Variants in PROC observed in about 807,000 individuals in gnomAD.
PROC encodes the protein vitamin K-dependent protein C.
A neutral mutation model predicts 36.3 loss-of-function variants in PROC; 22 were observed. The ratio of observed to expected loss-of-function variants is 0.61; its 90% CI spans 0.43 to 0.86. The LOEUF is 0.86. PROC is among the 40% of genes least tolerant of loss of function. The pLI is 0.00. For missense variants in PROC, 526 were observed against 629.7 expected, an observed-to-expected ratio of 0.84 and a Z score of 1.76; for synonymous variants, 218 against 244.5, an observed-to-expected ratio of 0.89 and a Z score of 1.01.
rs776743417 is a variant in PROC, at chr2:127,426,247, C to T, written c.678+20C>T. 22 of 1,613,784 alleles carry T rather than the reference C, an allele frequency of 1.4e-5. 1 individual carries two copies. The highest frequency in any genetic ancestry group is 6.7e-5 in the East Asian group (3 of 44,884). ...TGGCAGGTGGGAGGCGAGGCAGCAC[C>T]GGCTGCTCACGTGCTGGGTCCGGGA... On this transcript the variant is annotated intron_variant, in intron 7 of 8. Coordinates refer to ENST00000234071, the MANE Select transcript of PROC (RefSeq NM_000312.4). The surrounding 1 kb of genome is among the most constrained non-coding windows in gnomAD (Gnocchi z 7.0).
chr2:127,420,032 ACCCCGGGACCCTTGT>A lies in PROC; in HGVS notation c.70+21_70+35del. The A allele has an allele frequency of 1.9e-6, 3 of 1,611,732 alleles. No individual in the cohort carries two copies. Among genetic ancestry groups the A allele is most frequent in the Non-Finnish European group, 2.5e-6 (3 of 1,179,426 alleles). ...CTCTTGGTAAGGCCACCCCACCCCT[ACCCCGGGACCCTTGT>A]GGCCTCTACAAGGCCCTGGTGGGCA... On this transcript the variant is annotated intron_variant, in intron 2 of 8. Coordinates refer to ENST00000234071, the MANE Select transcript of PROC (RefSeq NM_000312.4).
Position 127,428,634 on chromosome 2 carries a change from C to T in PROC, c.1074C>T (p.Phe358=), listed in dbSNP as rs769300513. The change falls in exon 9 of 9, where the codon TTC becomes TTT. Residue 358 remains phenylalanine (F), a synonymous_variant. Transcript: ENST00000234071. ...REKEAKRNRT[F]VLNFIKIPVV... ...AGGAGGCCAAGAGAAACCGCACCTT[C>T]GTCCTCAACTTCATCAAGATTCCCG... is the stretch of plus-strand genomic sequence containing the variant. The T allele has an allele frequency of 1.9e-5, 31 of 1,613,978 alleles. No individual in the cohort carries two copies. Among genetic ancestry groups the T allele is most frequent in the African/African-American group, 2.7e-5 (2 of 74,958 alleles).
rs1688669245 is a variant in PROC at position 127,428,436 on chromosome 2, C to T, written c.876C>T (p.Ser292=). 1 of 1,614,154 alleles carries T rather than the reference C, an allele frequency of 6.2e-7. No homozygotes were observed. The highest frequency in any genetic ancestry group is 1.1e-5 in the South Asian group (1 of 91,080). ...IKEVFVHPNY[S]KSTTDNDIAL... ...AGGTCTTCGTCCACCCCAACTACAG[C>T]AAGAGCACCACCGACAATGACATCG... The change falls in exon 9 of 9, where the codon AGC becomes AGT. Residue 292 remains serine (S), a synonymous_variant. Coordinates refer to ENST00000234071, the MANE Select transcript of PROC (RefSeq NM_000312.4).
intron 8 of PROC, 89 bp from the exon 9 acceptor site, chr2:127,428,268 C>T: frequency 7.7e-7 from 1 of 1,302,398 alleles, no homozygotes; most frequent in Non-Finnish European, 1.1e-6. Context: ...CCCAGGCCTG[C>T]AGGGGCACAG....
At position 127,428,948 on chromosome 2, in the gene PROC, G is replaced by A. The variant is rs987612860; in HGVS notation, c.*2G>A. 1.2e-5 allele frequency: 19 copies of A among 1,613,746 alleles called. No individual in the cohort carries two copies. The highest frequency in any genetic ancestry group is 1.5e-5 in the Non-Finnish European group (18 of 1,180,004). ...CCCCAGAAGAGCTGGGCACCTTAGCGACCCTCCCTGCAGGGCTGGGCTTTT... is the reference window on the plus strand; with the variant it reads ...CCCCAGAAGAGCTGGGCACCTTAGCAACCCTCCCTGCAGGGCTGGGCTTTT... On this transcript the variant is annotated 3_prime_UTR_variant, in exon 9 of 9. Transcript: ENST00000234071.
At chr2:127,428,314 A>G (rs1345122935) in intron 8 of PROC, 43 bp from the exon 9 acceptor site, 1 of 1,583,244 alleles carries the variant, frequency 6.3e-7, no homozygotes, top group Admixed American at 1.7e-5. Context: ...CACTGGGGAG[A>G]GGCTCCCCGC....
chr2:127,421,302 C>A lies in PROC; in HGVS notation c.90C>A (p.Ser30Arg), dbSNP rs552714462. Residue 30 changes from serine to arginine, a missense_variant, in exon 3 of 9, where the codon AGC becomes AGA. Physicochemically the swap from Ser to Arg is moderately radical, Grantham distance 110. Transcript: ENST00000234071. ...PAPLDSVFSS[S>R]ERAHQVLRIR... ...AACCAGACTCAGTGTTCTCCAGCAG[C>A]GAGCGTGCCCACCAGGTGCTGCGGA... 1 of 1,613,822 alleles carries A rather than the reference C, an allele frequency of 6.2e-7. No individual in the cohort carries two copies.
chr2:127,419,757 G>A (rs1427337741), intron 1 of PROC, 165 bp from the exon 2 acceptor site: 45 of 1,471,818 alleles, frequency 3.1e-5, no homozygotes, highest in South Asian at 2.7e-4. Flanking sequence ...GCGGGCAGCC[G>A]AGGCCTTCTG....
chr2:127,421,539 A>T, intron 3 of PROC, 90 bp downstream of exon 3: 1 of 1,469,420 alleles, frequency 6.8e-7, no homozygotes, highest in South Asian at 1.2e-5. Context: ...CTCAATGCTG[A>T]GGCCCTCTTA....
chr2:127,428,222 GCA>G, intron 8 of PROC, 133 bp from the exon 9 acceptor site: 3 of 842,208 alleles, frequency 3.6e-6, no homozygotes, highest in South Asian at 1.5e-5. Flanking sequence ...ACGTGTGGGT[GCA>G]CAGTCTCCGG....
At chr2:127,427,416 G>A (rs1343887516) in intron 8 of PROC, among the ~76,000 whole-genome samples, 194 bp downstream of exon 8, 1 of 148,366 alleles carries the variant, frequency 6.7e-6, no homozygotes, top group Non-Finnish European at 1.5e-5. Flanking sequence ...GTATTTTGCA[G>A]TAGGGGGTTC....
chr2:127,423,325 G>T lies in PROC; in HGVS notation c.452G>T (p.Cys151Phe). 6.5e-7 allele frequency: 1 copy of T among 1,550,276 alleles called. No homozygotes were observed. Among genetic ancestry groups the T allele is most frequent in the Non-Finnish European group, 8.7e-7 (1 of 1,147,040 alleles). ...SLDNGGCTHY[C>F]LEEVGWRRCS... is the part of the protein sequence containing the mutation. ...GACAACGGCGGCTGCACGCATTACT[G>T]CCTAGAGGAGGTGGGCTGGCGGCGC... The change falls in exon 6 of 9, where the codon TGC becomes TTC. Residue 151 changes from cysteine to phenylalanine, a missense_variant. Coordinates refer to ENST00000234071, the MANE Select transcript of PROC (RefSeq NM_000312.4).
intron 3 of PROC, 125 bp from the exon 4 acceptor site, chr2:127,422,792 G>A: frequency 7.5e-7 from 1 of 1,340,848 alleles, no homozygotes; most frequent in South Asian, 1.3e-5. Context: ...ACCATCGGGC[G>A]TCGATCCCTG....
At chr2:127,427,339 G>A (rs1317833848) in intron 8 of PROC, 117 bp downstream of exon 8, 1 of 887,828 alleles carries the variant, frequency 1.1e-6, no homozygotes, top group Non-Finnish European at 1.8e-6. Flanking sequence ...GGCTTCTTGA[G>A]CTCCACAGAA....
chr2:127,423,460 C>A, intron 6 of PROC, 52 bp downstream of exon 6: 1 of 1,531,360 alleles, frequency 6.5e-7, no homozygotes, highest in Non-Finnish European at 8.8e-7. Context: ...GCAGGGTGGG[C>A]AGGCCCCCTG....
intron 8 of PROC, among the ~76,000 whole-genome samples, chr2:127,427,687 T>C (rs1374065291): frequency 6.6e-6 from 1 of 152,202 alleles, no homozygotes; most frequent in Non-Finnish European, 1.5e-5. Flanking sequence ...ACCTATGCAT[T>C]GGCCCCGATC....
Position 127,428,447 on chromosome 2 carries a change from C to A in PROC, c.887C>A (p.Thr296Asn), listed in dbSNP as rs1479882958. Residue 296 changes from threonine to asparagine, a missense_variant, in exon 9 of 9, where the codon ACC (threonine) becomes AAC (asparagine). Physicochemically the swap from Thr to Asn is moderately conservative, Grantham distance 65 (BLOSUM62 0). Coordinates refer to ENST00000234071, the MANE Select transcript of PROC (RefSeq NM_000312.4). ...FVHPNYSKST[T>N]DNDIALLHLA... ...CACCCCAACTACAGCAAGAGCACCA[C>A]CGACAATGACATCGCACTGCTGCAC... The A allele has an allele frequency of 6.2e-7, 1 of 1,614,194 alleles. No homozygotes were observed. Among genetic ancestry groups the A allele is most frequent in the South Asian group, 1.1e-5 (1 of 91,090 alleles).
Position 127,423,190 on chromosome 2 carries a change from T to G in PROC, c.400+19T>G, listed in dbSNP as rs571133684. The G allele has an allele frequency of 1.3e-4, 191 of 1,464,802 alleles. 1 individual carries two copies. The highest frequency in any genetic ancestry group is 1.1e-3 in the Middle Eastern group (5 of 4,472). 90.7% of individuals were successfully genotyped at this position (1,464,802 alleles called of 1,614,324 possible). On this transcript the variant is annotated intron_variant, in intron 5 of 8. Coordinates refer to ENST00000234071, the MANE Select transcript of PROC (RefSeq NM_000312.4). The stretch of plus-strand genomic sequence containing the variant: ...CAGCGCGGTGAGGGGGAGAGGTGGA[T>G]GCTGGCGGGCGGCGGGGCGGGGCTG...
chr2:127,421,287 A>G lies in PROC; in HGVS notation c.75A>G (p.Ser25=), dbSNP rs1214393595. The part of the protein sequence containing the change: ...GISGTPAPLD[S]VFSSSERAHQ... ...TCCCCCTCCCTCCAAAACCAGACTC[A>G]GTGTTCTCCAGCAGCGAGCGTGCCC... Residue 25 remains serine (S), a synonymous_variant, in exon 3 of 9, where the codon TCA becomes TCG. Coordinates refer to ENST00000234071, the MANE Select transcript of PROC (RefSeq NM_000312.4). 3 of 1,613,404 alleles carry G rather than the reference A, an allele frequency of 1.9e-6. No individual in the cohort carries two copies. Among genetic ancestry groups the G allele is most frequent in the Non-Finnish European group, 2.5e-6 (3 of 1,179,826 alleles).
Sources: gnomAD v4.1 joint callset for allele counts (sites outside exome capture counted in the v4.1 genomes callset) on GRCh38, gnomAD v4.1.1 for gene constraint, Gnocchi (gnomAD v3.1) non-coding constraint, MANE v1.5 for transcripts, NCBI Gene and HGNC (gene_info 2026-07-23, HGNC 2026-07-21) for gene names.